RNF145: variants seen among roughly 807,000 people sequenced by gnomAD.
RNF145 encodes ring finger protein 145.
A neutral mutation model predicts 57.3 loss-of-function variants in RNF145; 12 were observed. The ratio of observed to expected loss-of-function variants is 0.21; its 90% CI spans 0.13 to 0.34. The LOEUF (loss-of-function observed/expected upper bound fraction) is 0.34, where lower values mean the gene tolerates loss of function less well. RNF145 is among the 10% of genes least tolerant of loss of function. The pLI is 1.00. For missense variants in RNF145, 429 were observed against 799.0 expected (o/e 0.54, Z 5.58); for synonymous variants, 262 against 288.3 (o/e 0.91, Z 0.92).
chr5:159,186,056 T>C (rs1224826529), intron 3 of RNF145, among the ~76,000 whole-genome samples: 1 of 152,124 alleles, frequency 6.6e-6, no homozygotes, highest in Non-Finnish European at 1.5e-5. Context: ...AAACTCCGAC[T>C]CTACAAAACA....
chr5:159,189,648 G>A (rs575874268), intron 3 of RNF145, among the ~76,000 whole-genome samples: 2 of 152,090 alleles, frequency 1.3e-5, no homozygotes, highest in African/African-American at 2.4e-5. Context: ...TACATGAATT[G>A]TCATAACATT....
intron 2 of RNF145, among the ~76,000 whole-genome samples, chr5:159,197,463 A>C (rs1785497086): frequency 6.6e-6 from 1 of 152,210 alleles, no homozygotes; most frequent in Non-Finnish European, 1.5e-5. Flanking sequence ...AACCAAAACA[A>C]CAAAAGCACC....
intron 3 of RNF145, among the ~76,000 whole-genome samples, chr5:159,186,076 A>G (rs1386528309): frequency 1.3e-5 from 2 of 152,064 alleles, no homozygotes; most frequent in Non-Finnish European, 2.9e-5. Context: ...AAAAAATACA[A>G]CAATTAGCCA....
intron 3 of RNF145, among the ~76,000 whole-genome samples, chr5:159,186,134 A>C (rs1203901702): frequency 6.6e-6 from 1 of 152,032 alleles, no homozygotes; most frequent in African/African-American, 2.4e-5. Flanking sequence ...CTGAGGCGGG[A>C]GAATTGTGTG....
chr5:159,201,972 T>C (rs1785685254), intron 2 of RNF145, among the ~76,000 whole-genome samples: 1 of 152,242 alleles, frequency 6.6e-6, no homozygotes, highest in African/African-American at 2.4e-5. Flanking sequence ...CACTATGTAA[T>C]ATTTTGACAA....
In RNF145 at chr5:159,181,655, T is replaced by C. The variant is rs143616341; in HGVS notation, c.385+305A>G. Among the ~76,000 whole-genome samples, 100 of 152,240 alleles carry C rather than the reference T, an allele frequency of 6.6e-4. No individual in the cohort carries two copies. In the East Asian group the frequency reaches 8.7e-3, roughly 13 times the overall value. ...TAAATTTAAGATACTACGTGTTTCA[T>C]TTTAATCTTTCAAAGTAATAATTAG... On this transcript the variant is annotated intron_variant, in intron 4 of 10. Transcript: ENST00000424310.
rs570983688 is a variant in RNF145, at chr5:159,164,240, A to G, written c.1122-1161T>C. Among the ~76,000 whole-genome samples, 231 of 152,230 alleles carry G rather than the reference A, an allele frequency of 1.5e-3. 1 individual carries two copies. The highest frequency in any genetic ancestry group is 5.2e-3 in the African/African-American group (217 of 41,542). The stretch of plus-strand genomic sequence containing the variant: ...CATTTTTTCTTGCCAAAAACTAATA[A>G]TAATAATAATAATAATCAGAAATTA... On this transcript the variant is annotated intron_variant, in intron 8 of 10. Transcript: ENST00000424310.
chr5:159,204,827 A>AAAAAAAAAAAAAG (rs147292059), intron 1 of RNF145, among the ~76,000 whole-genome samples: 2 of 105,656 alleles, frequency 1.9e-5, no homozygotes, highest in Non-Finnish European at 3.6e-5. Flanking sequence ...AAAAAAAAAA[A>AAAAAAAAAAAAAG]GCAAACAAAA....
intron 1 of RNF145, chr5:159,208,215 A>T: frequency 3.1e-6 from 4 of 1,286,716 alleles, no homozygotes; most frequent in Non-Finnish European, 4.0e-6. Context: ...CAGCAGTAGC[A>T]GCAGCAACCG....
At chr5:159,183,737 C>T (rs76096194) in intron 3 of RNF145, among the ~76,000 whole-genome samples, 1,781 of 152,226 alleles carry the variant, frequency 0.012, 18 homozygotes, top group Middle Eastern at 0.034. Context: ...TTGGTCATAG[C>T]ATATCTCTCT....
rs2113073253 is a variant in RNF145 at position 159,161,147 on chromosome 5, T to A, written c.1626+119A>T. On this transcript the variant is annotated intron_variant, in intron 10 of 10. Transcript: ENST00000424310. ...TTTAATATAATTTCTGAGGTCCATT[T>A]TTTTTAATCCAGAAGATAATTTTGC... 5 of 631,108 alleles carry A rather than the reference T, an allele frequency of 7.9e-6. 1 individual carries two copies. In the South Asian group the frequency reaches 1.2e-4, roughly 16 times the overall value. The allele number at this position is 631,108 out of a possible 1,614,324, so 39.1% of individuals were successfully genotyped here. A position where few individuals can be genotyped will look rare whatever the true frequency, so the allele number is the denominator to read the frequency against.
At chr5:159,192,822 C>T (rs1428569208) in intron 3 of RNF145, among the ~76,000 whole-genome samples, 1 of 152,228 alleles carries the variant, frequency 6.6e-6, no homozygotes, top group Non-Finnish European at 1.5e-5. Context: ...AACCATCCAT[C>T]TATCGAAAAA....
chr5:159,200,996 C>T (rs964437445), intron 2 of RNF145, among the ~76,000 whole-genome samples: 1 of 152,200 alleles, frequency 6.6e-6, no homozygotes, highest in East Asian at 1.9e-4. Context: ...TAGGAACTCT[C>T]AACCACGGTT....
chr5:159,161,358 G>C lies in RNF145; in HGVS notation c.1534C>G (p.Arg512Gly), dbSNP rs749109573. 1.2e-6 allele frequency: 2 copies of C among 1,613,924 alleles called. No individual in the cohort carries two copies. Among genetic ancestry groups the C allele is most frequent in the African/African-American group, 2.7e-5 (2 of 74,862 alleles). Reference sequence around the variant, plus strand: ...TTAATCTTATTCACAGCATCCCTGCGGAGAAGAAAGCTCTTCCACCCCAGC... The same window carrying C: ...TTAATCTTATTCACAGCATCCCTGCCGAGAAGAAAGCTCTTCCACCCCAGC... ...AQLGWKSFLLRRDAVNKIKSL... is the reference protein window; with the variant it reads ...AQLGWKSFLLGRDAVNKIKSL... The change falls in exon 10 of 11, where the codon CGC (arginine) becomes GGC (glycine). Residue 512 changes from arginine to glycine, a missense_variant. Transcript: ENST00000424310.
Position 159,194,772 on chromosome 5 carries a change from C to T in RNF145, c.237G>A (p.Gln79=), listed in dbSNP as rs367836223. The T allele has an allele frequency of 3.4e-5, 55 of 1,613,772 alleles. No individual in the cohort carries two copies. In the East Asian group the frequency reaches 4.0e-4, roughly 12 times the overall value. ...GAGCAGTCAAAAAATATAGATAAAG[C>T]TGAACCAGATGCTGCCTGGGCAATG... ...LLTLPRQHLV[Q]LYLYFLTALL... is the part of the protein sequence containing the mutation. Residue 79 remains glutamine, a synonymous_variant, in exon 3 of 11, where the codon CAG becomes CAA. Transcript: ENST00000424310.
At position 159,169,018 on chromosome 5, in the gene RNF145, C is replaced by T; in HGVS notation, c.976G>A (p.Val326Met). The T allele has an allele frequency of 6.3e-7, 1 of 1,596,858 alleles. No homozygotes were observed. The highest frequency in any genetic ancestry group is 1.1e-5 in the South Asian group (1 of 87,680). Residue 326 changes from valine to methionine, a missense_variant, in exon 8 of 11, where the codon GTG becomes ATG. Coordinates refer to ENST00000424310, the MANE Select transcript of RNF145 (RefSeq NM_001199383.2). ...TEGVTLLILA[V>M]QTGLIELQVV... Reference sequence around the variant, plus strand: ...TGCAGTTCTATCAGCCCAGTCTGCACTGCCAGGATTAACAGCGTTACTCCT... The same window carrying T: ...TGCAGTTCTATCAGCCCAGTCTGCATTGCCAGGATTAACAGCGTTACTCCT...
chr5:159,169,758 C>T lies in RNF145; in HGVS notation c.859G>A (p.Val287Ile), dbSNP rs774131310. 1.3e-5 allele frequency: 21 copies of T among 1,613,098 alleles called. No individual in the cohort carries two copies. Among genetic ancestry groups the T allele is most frequent in the Non-Finnish European group, 1.8e-5 (21 of 1,179,560 alleles). Residue 287 changes from valine (V) to isoleucine (I), a missense_variant, in exon 7 of 11, where the codon GTT becomes ATT. Val to Ile is a conservative substitution (Grantham distance 29). This residue lies in a region of RNF145 where 216 missense variants were observed against 457.6 expected (regional missense o/e 0.47). Coordinates refer to ENST00000424310, the MANE Select transcript of RNF145 (RefSeq NM_001199383.2). ...LLGLVFTVSFVALGVLTLCKF... is the reference protein window; with the variant it reads ...LLGLVFTVSFIALGVLTLCKF... The stretch of plus-strand genomic sequence containing the variant: ...CAGAGTGTGAGAACACCCAAGGCAA[C>T]AAAAGAAACCGTGAAGACCAAACCC...
chr5:159,166,394 CAT>C (rs1453488323), intron 8 of RNF145, among the ~76,000 whole-genome samples: 1 of 152,170 alleles, frequency 6.6e-6, no homozygotes, highest in African/African-American at 2.4e-5. Context: ...TCTTTTCTTT[CAT>C]AGTCATAGTC....
At chr5:159,201,277 C>T (rs1562076141) in intron 2 of RNF145, among the ~76,000 whole-genome samples, 1 of 152,196 alleles carries the variant, frequency 6.6e-6, no homozygotes, top group Non-Finnish European at 1.5e-5. Flanking sequence ...ATCCTGGAAC[C>T]AACTTCCAGC....
Sources: allele counts gnomAD v4.1 joint callset (sites outside exome capture counted in the v4.1 genomes callset), GRCh38; gene constraint gnomAD v4.1.1; regional missense constraint gnomAD v4.1.1; transcripts MANE v1.5; gene names NCBI Gene and HGNC (gene_info 2026-07-23, HGNC 2026-07-21).